Variants in PTPRO observed in about 807,000 individuals in gnomAD.
PTPRO encodes the protein protein tyrosine phosphatase receptor type O.
In PTPRO, 62 loss-of-function variants were observed where a neutral mutation model predicts 145.2. The observed-to-expected ratio is 0.43, with a 90% CI of 0.35 to 0.53. The LOEUF (loss-of-function observed/expected upper bound fraction) is 0.53, where lower values mean the gene tolerates loss of function less well. PTPRO is among the 20% of genes least tolerant of loss of function. PTPRO has a pLI of 0.01. For missense variants in PTPRO, 1,345 were observed against 1,482.7 expected, an observed-to-expected ratio of 0.91 and a Z score of 1.53; for synonymous variants, 565 against 514.7, an observed-to-expected ratio of 1.10 and a Z score of -1.32.
At chr12:15,572,345 T>C (rs1413424363) in intron 19 of PTPRO, among the ~76,000 whole-genome samples, 1 of 152,202 alleles carries the variant, frequency 6.6e-6, no homozygotes, top group Non-Finnish European at 1.5e-5. Flanking sequence ...TTCCTAAAAC[T>C]ATACAAACAG....
chr12:15,497,520 A>G lies in PTPRO; in HGVS notation c.508+117A>G, dbSNP rs528219515. 39 of 1,094,156 alleles carry G rather than the reference A, an allele frequency of 3.6e-5. 1 individual carries two copies. The highest frequency in any genetic ancestry group is 1.1e-4 in the African/African-American group (7 of 63,176). The allele number at this position is 1,094,156 out of a possible 1,614,324, so 67.8% of individuals were successfully genotyped here. On this transcript the variant is annotated intron_variant, in intron 3 of 26. Transcript: ENST00000281171. The stretch of plus-strand genomic sequence containing the variant: ...TTATAATTCACTATTTGACCTATAA[A>G]TGAGCCATTAAAAATAATTATTGAT...
intron 1 of PTPRO, among the ~76,000 whole-genome samples, chr12:15,376,740 G>A (rs531088409): frequency 7.2e-4 from 110 of 152,146 alleles, no homozygotes; most frequent in African/African-American, 2.3e-3. Flanking sequence ...TGACAGAATG[G>A]GGTCAGAGAG....
At chr12:15,548,958 C>A in intron 13 of PTPRO, 136 bp from the exon 14 acceptor site, 1 of 995,970 alleles carries the variant, frequency 1.0e-6, no homozygotes, top group Non-Finnish European at 1.5e-6. Context: ...AAAAAGGAAA[C>A]ATTTTTCAAT....
chr12:15,551,531 T>A lies in PTPRO; in HGVS notation c.2438-20T>A. 1.9e-6 allele frequency: 3 copies of A among 1,612,134 alleles called. No individual in the cohort carries two copies. Reference sequence around the variant, plus strand: ...CCTGTAAGAGAACCTATGATGAAAATGCACAACTTATCTCTTTAGTTACAG... The same window carrying A: ...CCTGTAAGAGAACCTATGATGAAAAAGCACAACTTATCTCTTTAGTTACAG... On this transcript the variant is annotated intron_variant, in intron 14 of 26. Transcript: ENST00000281171.
chr12:15,542,954 A>C (rs1943209080), intron 12 of PTPRO, among the ~76,000 whole-genome samples: 1 of 152,202 alleles, frequency 6.6e-6, no homozygotes, highest in South Asian at 2.1e-4. Flanking sequence ...GAGTAGGAAA[A>C]TCTAATTATA....
At chr12:15,389,542 G>C (rs1243346562) in intron 1 of PTPRO, among the ~76,000 whole-genome samples, 3 of 152,124 alleles carry the variant, frequency 2.0e-5, no homozygotes, top group East Asian at 3.9e-4. Flanking sequence ...TTAATAAAGA[G>C]ATTTTGTCTA....
chr12:15,367,168 A>G (rs1565589362), intron 1 of PTPRO, among the ~76,000 whole-genome samples: 1 of 152,222 alleles, frequency 6.6e-6, no homozygotes, highest in Non-Finnish European at 1.5e-5. Flanking sequence ...GAAAATACAT[A>G]CAATCTTTAG....
chr12:15,520,265 A>C lies in PTPRO; in HGVS notation c.1844A>C (p.Asp615Ala). ...CGGGTTACCATGGTGACGTGGGGAG[A>C]TCCAGAATTGAGCTGCTGTGACAGC... is the stretch of plus-strand genomic sequence containing the variant. ...NFRVTMVTWG[D>A]PELSCCDSST... The change falls in exon 10 of 27, where the codon GAT (aspartate) becomes GCT (alanine). Residue 615 changes from aspartate (D) to alanine (A), a missense_variant. This residue lies in a region of PTPRO where 1,130 missense variants were observed against 1,214.7 expected (regional missense o/e 0.93). Coordinates refer to ENST00000281171, the MANE Select transcript of PTPRO (RefSeq NM_030667.3). 2 of 1,613,810 alleles carry C rather than the reference A, an allele frequency of 1.2e-6. No individual in the cohort carries two copies. Among genetic ancestry groups the C allele is most frequent in the Non-Finnish European group, 1.7e-6 (2 of 1,179,842 alleles).
intron 1 of PTPRO, among the ~76,000 whole-genome samples, chr12:15,467,635 C>T (rs1753410402): frequency 1.3e-5 from 2 of 152,184 alleles, no homozygotes; most frequent in Admixed American, 6.5e-5. Flanking sequence ...CCAGAGGGAC[C>T]TTCCTGCCCC....
intron 1 of PTPRO, among the ~76,000 whole-genome samples, chr12:15,449,123 C>CAAAA (rs59963079): frequency 5.0e-5 from 7 of 140,596 alleles, no homozygotes; most frequent in Non-Finnish European, 4.6e-5. Flanking sequence ...GATTTACAGA[C>CAAAA]AAAAAAAAAA....
In PTPRO at chr12:15,467,493, T is replaced by C. The variant is rs148171939; in HGVS notation, c.76-16481T>C. Among the ~76,000 whole-genome samples the C allele has an allele frequency of 9.7e-4, 148 of 151,906 alleles. 2 individuals are homozygous for C. The East Asian group carries it at 0.029, about 29-fold the overall frequency. On this transcript the variant is annotated intron_variant, in intron 1 of 26. Coordinates refer to ENST00000281171, the MANE Select transcript of PTPRO (RefSeq NM_030667.3). Reference sequence around the variant, plus strand: ...CACAACTAATCCATTCTTAAGTCACTCAGTGCTAAGGGATATGCCTTCTAA... The same window carrying C: ...CACAACTAATCCATTCTTAAGTCACCCAGTGCTAAGGGATATGCCTTCTAA...
intron 1 of PTPRO, among the ~76,000 whole-genome samples, chr12:15,419,330 G>C (rs1328183276): frequency 6.6e-6 from 1 of 151,502 alleles, no homozygotes; most frequent in Admixed American, 6.6e-5. Context: ...AGAAAGGTCA[G>C]TGTAACAGAA....
intron 2 of PTPRO, among the ~76,000 whole-genome samples, chr12:15,490,589 C>CAGGG (rs1395698776): frequency 6.6e-6 from 1 of 152,072 alleles, no homozygotes; most frequent in Non-Finnish European, 1.5e-5. Context: ...GCAGATTTGG[C>CAGGG]CTTGTGGACT....
chr12:15,428,577 T>A lies in PTPRO; in HGVS notation c.76-55397T>A, dbSNP rs1940347355. Among the ~76,000 whole-genome samples, 3 of 152,158 alleles carry A rather than the reference T, an allele frequency of 2.0e-5. 1 individual carries two copies. The highest frequency in any genetic ancestry group is 2.0e-4 in the Admixed American group (3 of 15,266). The stretch of plus-strand genomic sequence containing the variant: ...GTTAAAATTATTTAATAAAAAAGGA[T>A]TTTTTTATAATCAAGAAATCTAAAG... On this transcript the variant is annotated intron_variant, in intron 1 of 26. Transcript: ENST00000281171.
At chr12:15,518,886 C>A (rs931463300) in intron 9 of PTPRO, among the ~76,000 whole-genome samples, 27 of 152,332 alleles carry the variant, frequency 1.8e-4, no homozygotes, top group African/African-American at 5.8e-4. Flanking sequence ...GAATTCCAAA[C>A]TTTCCCACAT....
chr12:15,395,808 ATC>A (rs1491484356), intron 1 of PTPRO, among the ~76,000 whole-genome samples: 1 of 105,066 alleles, frequency 9.5e-6, no homozygotes, highest in African/African-American at 5.0e-5. Context: ...ACAATTAAAG[ATC>A]ACACACACAC....
intron 12 of PTPRO, among the ~76,000 whole-genome samples, chr12:15,545,639 G>A (rs1169757028): frequency 3.9e-5 from 6 of 152,056 alleles, no homozygotes; most frequent in African/African-American, 1.4e-4. Context: ...CTTCCTTTAC[G>A]AATGGATTTA....
At chr12:15,407,141 C>A (rs1441629042) in intron 1 of PTPRO, among the ~76,000 whole-genome samples, 2 of 152,140 alleles carry the variant, frequency 1.3e-5, no homozygotes, top group Non-Finnish European at 2.9e-5. Flanking sequence ...GGCTCTGGAC[C>A]CCTCGTTGTT....
chr12:15,399,047 T>C (rs969930275), intron 1 of PTPRO, among the ~76,000 whole-genome samples: 4 of 152,162 alleles, frequency 2.6e-5, no homozygotes, highest in Admixed American at 6.5e-5. Flanking sequence ...ATTTCCAAAT[T>C]AGTTGAAATT....
Sources: allele counts gnomAD v4.1 joint callset (sites outside exome capture counted in the v4.1 genomes callset), GRCh38; gene constraint gnomAD v4.1.1; regional missense constraint gnomAD v4.1.1; transcripts MANE v1.5; gene names NCBI Gene and HGNC (gene_info 2026-07-23, HGNC 2026-07-21).